FBN2: variants seen among roughly 807,000 people sequenced by gnomAD.
FBN2 encodes the protein fibrillin-2.
Under a neutral mutation model 355.6 loss-of-function variants are expected in FBN2, and 105 were observed. That is an observed-to-expected ratio of 0.30 (90% CI 0.25 to 0.35). The LOEUF (loss-of-function observed/expected upper bound fraction) is 0.35. FBN2 is among the 10% of genes least tolerant of loss of function. The pLI is 1.00. For synonymous variants in FBN2, 1,350 were observed against 1,301.2 expected (o/e 1.04, Z -0.81); for missense variants, 3,280 against 3,758.7 (o/e 0.87, Z 3.33).
At chr5:128,437,498 T>A (rs1753798566) in intron 7 of FBN2, among the ~76,000 whole-genome samples, 1 of 152,148 alleles carries the variant, frequency 6.6e-6, no homozygotes, top group Non-Finnish European at 1.5e-5. Flanking sequence ...AAATGTGAGA[T>A]TCCTATACAA....
intron 2 of FBN2, among the ~76,000 whole-genome samples, chr5:128,533,196 C>G (rs1025462103): frequency 6.6e-6 from 1 of 152,146 alleles, no homozygotes; most frequent in Non-Finnish European, 1.5e-5. Flanking sequence ...GACAAATGTG[C>G]ATTAAAACAT....
intron 6 of FBN2, among the ~76,000 whole-genome samples, chr5:128,456,245 G>A (rs1395963240): frequency 6.6e-6 from 1 of 151,990 alleles, no homozygotes; most frequent in Non-Finnish European, 1.5e-5. Context: ...GGGCCTTCCT[G>A]CAGGATCTCC....
chr5:128,536,637 G>C (rs532193208), intron 1 of FBN2, among the ~76,000 whole-genome samples, 153 bp from the exon 2 acceptor site: 1 of 152,336 alleles, frequency 6.6e-6, no homozygotes, highest in Non-Finnish European at 1.5e-5. Context: ...GGAGGCAGAC[G>C]TGGAAGCAAA....
At chr5:128,487,560 C>CA (rs1225863784) in intron 5 of FBN2, among the ~76,000 whole-genome samples, 2 of 151,984 alleles carry the variant, frequency 1.3e-5, no homozygotes. Context: ...TAAATTTTCC[C>CA]AAAAAGACCG....
At chr5:128,310,372 A>G (rs1750002386) in intron 39 of FBN2, among the ~76,000 whole-genome samples, 2 of 12,076 alleles carry the variant, frequency 1.7e-4, no homozygotes, top group South Asian at 6.2e-3. Flanking sequence ...GCACATATAT[A>G]TATATATATA....
In FBN2 at chr5:128,369,298, T is replaced by C. The variant is rs1006288282; in HGVS notation, c.2132A>G (p.Lys711Arg). The change falls in exon 16 of 65, where the codon AAG (lysine) becomes AGG (arginine). Residue 711 changes from lysine (K) to arginine (R), a missense_variant. By Grantham distance (26) the Lys-to-Arg change is conservative (BLOSUM62 2). Coordinates refer to ENST00000262464, the MANE Select transcript of FBN2 (RefSeq NM_001999.4). ...HMRSTCYGGI[K>R]KGVCVRPFPG... ...GAAAGGACGCACACACACTCCTTTC[T>C]TGATTCCTCCATAGCAGGTACTGCG... The C allele has an allele frequency of 1.2e-6, 2 of 1,614,148 alleles. No homozygotes were observed. Among genetic ancestry groups the C allele is most frequent in the Non-Finnish European group, 1.7e-6 (2 of 1,179,994 alleles).
intron 52 of FBN2, 83 bp from the exon 53 acceptor site, chr5:128,288,640 A>G: frequency 6.6e-7 from 1 of 1,505,704 alleles, no homozygotes. Context: ...CTTGGCCCTC[A>G]CCCATTTCCA....
intron 36 of FBN2, among the ~76,000 whole-genome samples, chr5:128,316,296 T>A (rs1335237361): frequency 6.6e-6 from 1 of 152,214 alleles, no homozygotes; most frequent in Non-Finnish European, 1.5e-5. Context: ...TTGGACATAA[T>A]GTTGAACATT....
rs772720122 is a variant in FBN2 at position 128,261,849 on chromosome 5, C to A, written c.8251G>T (p.Val2751Phe). Reference protein sequence around the residue: ...KGQYLSLDTEVDEENALSPEA... With the variant: ...KGQYLSLDTEFDEENALSPEA... Reference sequence around the variant, plus strand: ...GGGGACAGAGCATTTTCCTCATCGACCTCTGTATCCAGTGACAGGTACTGC... The same window carrying A: ...GGGGACAGAGCATTTTCCTCATCGAACTCTGTATCCAGTGACAGGTACTGC... The change falls in exon 64 of 65, where the codon GTC becomes TTC. Residue 2751 changes from valine (V) to phenylalanine (F), a missense_variant. By Grantham distance (50) the Val-to-Phe change is conservative. This residue lies in a region of FBN2 where 311 missense variants were observed against 319.1 expected (regional missense o/e 0.97). Coordinates refer to ENST00000262464, the MANE Select transcript of FBN2 (RefSeq NM_001999.4). 1 of 1,614,038 alleles carries A rather than the reference C, an allele frequency of 6.2e-7. No individual in the cohort carries two copies. Among genetic ancestry groups the A allele is most frequent in the Admixed American group, 1.7e-5 (1 of 60,030 alleles).
At chr5:128,374,201 C>T (rs192038514) in intron 15 of FBN2, among the ~76,000 whole-genome samples, 1 of 152,180 alleles carries the variant, frequency 6.6e-6, no homozygotes, top group East Asian at 1.9e-4. Flanking sequence ...TAAAAAATAG[C>T]TTTGTTAATA....
intron 11 of FBN2, among the ~76,000 whole-genome samples, chr5:128,387,308 G>A (rs1482111216): frequency 6.6e-6 from 1 of 151,938 alleles, no homozygotes; most frequent in African/African-American, 2.4e-5. Flanking sequence ...TGTTGGTAAT[G>A]TCTCCTTTAT....
At position 128,280,303 on chromosome 5, in the gene FBN2, T is replaced by C; in HGVS notation, c.7027A>G (p.Arg2343Gly). The change falls in exon 56 of 65, where the codon AGG becomes GGG. Residue 2343 changes from arginine (R) to glycine (G), a missense_variant. Physicochemically the swap from Arg to Gly is moderately radical, Grantham distance 125. This residue lies in a region of FBN2 where 2,284 missense variants were observed against 2,749.5 expected (regional missense o/e 0.83). Coordinates refer to ENST00000262464, the MANE Select transcript of FBN2 (RefSeq NM_001999.4). The stretch of plus-strand genomic sequence containing the variant: ...TTTTCACAGATTCCTGGCTTGGTCC[T>C]GCATTCATTTTCATCTTTAGAAAAA... ...GEGCVDENEC[R>G]TKPGICENGR... 6.2e-6 allele frequency: 10 copies of C among 1,610,646 alleles called. No individual in the cohort carries two copies. The highest frequency in any genetic ancestry group is 8.5e-6 in the Non-Finnish European group (10 of 1,177,146).
chr5:128,265,924 G>A (rs905794337), intron 62 of FBN2, among the ~76,000 whole-genome samples: 1 of 152,206 alleles, frequency 6.6e-6, no homozygotes, highest in African/African-American at 2.4e-5. Context: ...GACCACTGAC[G>A]AGGATTCCGG....
chr5:128,367,890 A>G (rs1398432382), intron 16 of FBN2, among the ~76,000 whole-genome samples: 1 of 151,802 alleles, frequency 6.6e-6, no homozygotes. Context: ...AAAAAAAGTC[A>G]CACTCAGTAA....
Position 128,385,200 on chromosome 5 carries a change from C to T in FBN2, c.1604-6310G>A, listed in dbSNP as rs150235317. On this transcript the variant is annotated intron_variant, in intron 11 of 64. Transcript: ENST00000262464. ...GCCTGATAGGTAGCTTTTCGATCCT[C>T]ACCCTCCTCCCACCTTCCACTCTCA... Among the ~76,000 whole-genome samples the T allele has an allele frequency of 3.9e-5, 6 of 152,206 alleles. No homozygotes were observed. In the East Asian group the frequency reaches 1.2e-3, roughly 29 times the overall value.
chr5:128,533,835 T>C (rs1270953832), intron 2 of FBN2, among the ~76,000 whole-genome samples: 2 of 152,082 alleles, frequency 1.3e-5, no homozygotes, highest in East Asian at 1.9e-4. Flanking sequence ...AAGCAAATTG[T>C]TTCATTGCTT....
rs79648850 is a variant in FBN2, at chr5:128,280,635, A to C, written c.7013-318T>G. On this transcript the variant is annotated intron_variant, in intron 55 of 64. Coordinates refer to ENST00000262464, the MANE Select transcript of FBN2 (RefSeq NM_001999.4). ...CCTGAGACACCAGGCAAGGATGGGA[A>C]CTCTGGGGAAAAGAATGTCAGTTTC... Among the ~76,000 whole-genome samples, 199 of 152,138 alleles carry C rather than the reference A, an allele frequency of 1.3e-3. 3 individuals are homozygous for C. In the East Asian group the frequency reaches 0.03, roughly 23 times the overall value.
At chr5:128,530,729 T>A in intron 2 of FBN2, 36 bp from the exon 3 acceptor site, 1 of 1,288,130 alleles carries the variant, frequency 7.8e-7, no homozygotes, top group Non-Finnish European at 1.1e-6. Context: ...AATGAATAAC[T>A]ATATAATAAA....
chr5:128,266,462 C>G (rs868442036), intron 62 of FBN2, among the ~76,000 whole-genome samples: 1 of 152,252 alleles, frequency 6.6e-6, no homozygotes, highest in South Asian at 2.1e-4. Flanking sequence ...TTGGGGGTGA[C>G]TGCCTTGTCA....
Sources: allele counts gnomAD v4.1 joint callset (sites outside exome capture counted in the v4.1 genomes callset), GRCh38; gene constraint gnomAD v4.1.1; regional missense constraint gnomAD v4.1.1; transcripts MANE v1.5; gene names NCBI Gene and HGNC (gene_info 2026-07-23, HGNC 2026-07-21).